MTHFSD: variants seen among roughly 807,000 people sequenced by gnomAD.
MTHFSD encodes the protein methenyltetrahydrofolate synthase domain-containing protein.
A neutral mutation model predicts 31.1 loss-of-function variants in MTHFSD; 37 were observed. The ratio of observed to expected loss-of-function variants is 1.19; its 90% CI spans 0.91 to 1.56. The LOEUF (loss-of-function observed/expected upper bound fraction) is 1.56, where lower values mean the gene tolerates loss of function less well. MTHFSD is among the 40% of genes most tolerant of loss of function. The pLI is 0.00. For missense variants in MTHFSD, 664 were observed against 510.1 expected, an observed-to-expected ratio of 1.30 and a Z score of -2.91; for synonymous variants, 221 against 206.9, an observed-to-expected ratio of 1.07 and a Z score of -0.59.
rs1290208304 is a variant in MTHFSD at position 86,530,804 on chromosome 16, CAGAGGGCCG to C, written c.*1198_*1206del. The C allele has an allele frequency of 6.6e-6, 1 of 152,152 alleles. No homozygotes were observed. The highest frequency in any genetic ancestry group is 1.5e-5 in the Non-Finnish European group (1 of 68,060). The allele number at this position is 152,152 out of a possible 1,614,324, so 9.4% of individuals were successfully genotyped here. ...GCGGGCGGGGGCAAGGCCAAGGACA[CAGAGGGCCG>C]AGGGCCCAGGGCCAGGTGTGGCGCT... is the stretch of plus-strand genomic sequence containing the variant. On this transcript the variant is annotated 3_prime_UTR_variant, in exon 8 of 8. Transcript: ENST00000360900.
In MTHFSD at chr16:86,532,221, G is replaced by C; in HGVS notation, c.942C>G (p.Pro314=). ...TCAGGTCACTCACACGGGCGTCCCC[G>C]GGGAGGTTCCCAACGTAAACATCGG... The part of the protein sequence containing the change: ...LAADVYVGNL[P]GDARVSDLKR... Residue 314 remains proline (P), a synonymous_variant, in exon 8 of 8, where the codon CCC becomes CCG. Transcript: ENST00000360900. The C allele has an allele frequency of 6.4e-7, 1 of 1,573,902 alleles. No homozygotes were observed. The highest frequency in any genetic ancestry group is 8.6e-7 in the Non-Finnish European group (1 of 1,160,706).
In MTHFSD at chr16:86,532,358, G is replaced by C. The variant is rs115896069; in HGVS notation, c.805C>G (p.Gln269Glu). ...HQHLPEPGCQQTVPLSVGRRP... is the reference protein window; with the variant it reads ...HQHLPEPGCQETVPLSVGRRP... ...CTGCCAACACTCAGGGGCACTGTCTGCTGGCAGCCTGGTTCCGGAAGGTGC... is the reference window on the plus strand; with the variant it reads ...CTGCCAACACTCAGGGGCACTGTCTCCTGGCAGCCTGGTTCCGGAAGGTGC... The change falls in exon 8 of 8, where the codon CAG (glutamine) becomes GAG (glutamate). Residue 269 changes from glutamine to glutamate, a missense_variant. By Grantham distance (29) the Gln-to-Glu change is conservative (BLOSUM62 2). Coordinates refer to ENST00000360900, the MANE Select transcript of MTHFSD (RefSeq NM_001159377.2). 1.9e-3 allele frequency: 2,992 copies of C among 1,587,260 alleles called. 47 individuals carry two copies. The African/African-American group carries it at 0.036, about 19-fold the overall frequency.
chr16:86,552,658 T>C (rs113066757), intron 2 of MTHFSD, among the ~76,000 whole-genome samples: 2 of 152,318 alleles, frequency 1.3e-5, no homozygotes, highest in South Asian at 2.1e-4. Flanking sequence ...ATTCTCTACA[T>C]CCTTCATCTT....
At chr16:86,552,590 T>C (rs1270455204) in intron 2 of MTHFSD, among the ~76,000 whole-genome samples, 3 of 152,246 alleles carry the variant, frequency 2.0e-5, no homozygotes, top group Admixed American at 2.0e-4. Context: ...AGCAGTAGCA[T>C]GACCTGGAAG....
rs1220611575 is a variant in MTHFSD, at chr16:86,546,652, G to A, written c.352-3C>T. Reference sequence around the variant, plus strand: ...GGGACACTGTAGTTCCTCACACCCTGCACACAGAGATACGGATTGGAAAAC... The same window carrying A: ...GGGACACTGTAGTTCCTCACACCCTACACACAGAGATACGGATTGGAAAAC... On this transcript the variant is annotated splice_region_variant and splice_polypyrimidine_tract_variant and intron_variant, in intron 4 of 7. Coordinates refer to ENST00000360900, the MANE Select transcript of MTHFSD (RefSeq NM_001159377.2). 6.2e-7 allele frequency: 1 copy of A among 1,611,304 alleles called. No individual in the cohort carries two copies. Among genetic ancestry groups the A allele is most frequent in the African/African-American group, 1.3e-5 (1 of 74,844 alleles).
At chr16:86,537,792 G>A (rs1335065450) in intron 7 of MTHFSD, among the ~76,000 whole-genome samples, 1 of 152,260 alleles carries the variant, frequency 6.6e-6, no homozygotes, top group Non-Finnish European at 1.5e-5. Flanking sequence ...GTGTGGGGAA[G>A]AGCGGGCCAT....
intron 4 of MTHFSD, chr16:86,548,096 G>C (rs760696691): frequency 7.7e-7 from 1 of 1,293,168 alleles, no homozygotes; most frequent in African/African-American, 1.5e-5. Context: ...TGTCTCCCCA[G>C]TCGCTCTGGT....
chr16:86,549,683 G>T (rs1189243552), intron 3 of MTHFSD, among the ~76,000 whole-genome samples: 1 of 152,230 alleles, frequency 6.6e-6, no homozygotes, highest in Non-Finnish European at 1.5e-5. Flanking sequence ...AATTACCGAG[G>T]TCTAGACCTC....
rs770045389 is a variant in MTHFSD, at chr16:86,541,764, A to G, written c.614T>C (p.Leu205Pro). 4 of 1,614,168 alleles carry G rather than the reference A, an allele frequency of 2.5e-6. No homozygotes were observed. The East Asian group carries it at 8.9e-5, about 36-fold the overall frequency. Residue 205 changes from leucine to proline, a missense_variant, in exon 7 of 8, where the codon CTC becomes CCC. Physicochemically the swap from Leu to Pro is moderately conservative, Grantham distance 98. Coordinates refer to ENST00000360900, the MANE Select transcript of MTHFSD (RefSeq NM_001159377.2). ...TGTGGCGATGACTCTGGTTGGAGTG[A>G]GGATGTAGTCCACAGTGATGTCGTG... Reference protein sequence around the residue: ...EEHDITVDYILTPTRVIATGC... With the variant: ...EEHDITVDYIPTPTRVIATGC...
Position 86,554,703 on chromosome 16 carries a change from T to C in MTHFSD, c.65A>G (p.Glu22Gly), listed in dbSNP as rs767135419. Residue 22 changes from glutamate (E) to glycine (G), a missense_variant, in exon 2 of 8, where the codon GAA becomes GGA. Coordinates refer to ENST00000360900, the MANE Select transcript of MTHFSD (RefSeq NM_001159377.2). ...GGGAAAGTCAGCTAAATTTTGTGAT[T>C]CCATGTAGCCCCAAATTTGTTCACG... ...DIREQIWGYMESQNLADFPRP... is the reference protein window; with the variant it reads ...DIREQIWGYMGSQNLADFPRP... 1.9e-6 allele frequency: 3 copies of C among 1,614,114 alleles called. No homozygotes were observed.
At position 86,532,324 on chromosome 16, in the gene MTHFSD, G is replaced by A. The variant is rs371426777; in HGVS notation, c.839C>T (p.Pro280Leu). 3.3e-5 allele frequency: 53 copies of A among 1,593,490 alleles called. No individual in the cohort carries two copies. Among genetic ancestry groups the A allele is most frequent in the African/African-American group, 2.2e-4 (16 of 74,302 alleles). Residue 280 changes from proline (P) to leucine (L), a missense_variant, in exon 8 of 8, where the codon CCG (proline) becomes CTG (leucine). Coordinates refer to ENST00000360900, the MANE Select transcript of MTHFSD (RefSeq NM_001159377.2). The stretch of plus-strand genomic sequence containing the variant: ...ATTGGTTTCTGGTCCGGGTGTGTCC[G>A]GGGGCCTCCTGCCAACACTCAGGGG... ...TVPLSVGRRP[P>L]DTPGPETNSM...
intron 4 of MTHFSD, chr16:86,547,414 A>T: frequency 2.0e-6 from 2 of 985,774 alleles, no homozygotes; most frequent in Non-Finnish European, 1.2e-6. Context: ...ATCTGCCTGC[A>T]GTGCTATGAC....
intron 7 of MTHFSD, chr16:86,541,211 A>C: frequency 7.8e-7 from 1 of 1,289,868 alleles, no homozygotes; most frequent in Non-Finnish European, 1.0e-6. Context: ...GGAGATAAAA[A>C]CCACAAATGC....
In MTHFSD at chr16:86,531,888, C is replaced by A; in HGVS notation, c.*123G>T. On this transcript the variant is annotated 3_prime_UTR_variant, in exon 8 of 8. Transcript: ENST00000360900. This position sits in a 1 kb window ranked among gnomAD's most constrained non-coding sequence, Gnocchi z 5.5. ...GTGACTTCTGAGAAGAATTGAGACC[C>A]GAGCAGCTCAGGCGGTGGCTCCGAC... The A allele has an allele frequency of 1.7e-6, 1 of 596,898 alleles. No homozygotes were observed. Among genetic ancestry groups the A allele is most frequent in the South Asian group, 3.4e-5 (1 of 29,436 alleles). 37.0% of individuals were successfully genotyped at this position (596,898 alleles called of 1,614,324 possible).
At chr16:86,547,095 G>C in intron 4 of MTHFSD, 2 of 893,142 alleles carry the variant, frequency 2.2e-6, no homozygotes, top group Admixed American at 5.4e-5. Flanking sequence ...ACCAGTGTTG[G>C]AATTAAATAA....
At position 86,542,049 on chromosome 16, in the gene MTHFSD, T is replaced by G; in HGVS notation, c.555+52A>C. ...ATGAGTCTCCTTCCCCACCCCCTGC[T>G]CCCTCAGAAGAGAATGGCAGTGGCT... On this transcript the variant is annotated intron_variant, in intron 6 of 7. Transcript: ENST00000360900. The surrounding 1 kb of genome is among the most constrained non-coding windows in gnomAD (Gnocchi z 4.6). 3.9e-6 allele frequency: 6 copies of G among 1,533,730 alleles called. No homozygotes were observed. The highest frequency in any genetic ancestry group is 3.6e-6 in the Non-Finnish European group (4 of 1,112,610).
chr16:86,536,897 C>A (rs763901413), intron 7 of MTHFSD, among the ~76,000 whole-genome samples: 2 of 152,228 alleles, frequency 1.3e-5, no homozygotes, highest in African/African-American at 4.8e-5. Context: ...GTTCCCCTCA[C>A]GCAGACATGC....
rs1419628082 is a variant in MTHFSD at position 86,532,396 on chromosome 16, T to TGGA, written c.764_766dup (p.Leu255dup). On this transcript the variant is annotated inframe_insertion, in exon 8 of 8. Transcript: ENST00000360900. ...TTCCGGAAGGTGCTGGTGCTCACCCTGGAGGGTGACATCCTTCCCAGCCTG... is the reference window on the plus strand; with the variant it reads ...TTCCGGAAGGTGCTGGTGCTCACCCTGGAGGAGGGTGACATCCTTCCCAGCCTG... 1.1e-5 allele frequency: 17 copies of TGGA among 1,542,326 alleles called. No individual in the cohort carries two copies. The highest frequency in any genetic ancestry group is 2.8e-5 in the African/African-American group (2 of 72,468).
chr16:86,555,104 C>A (rs1405729172), intron 1 of MTHFSD, 65 bp downstream of exon 1: 8 of 1,524,796 alleles, frequency 5.2e-6, no homozygotes, highest in Non-Finnish European at 7.0e-6. Context: ...CCCGCCTCGA[C>A]CCTCACCGGT....
Sources: allele counts gnomAD v4.1 joint callset (sites outside exome capture counted in the v4.1 genomes callset), GRCh38; gene constraint gnomAD v4.1.1; non-coding constraint Gnocchi (gnomAD v3.1); transcripts MANE v1.5; gene names NCBI Gene and HGNC (gene_info 2026-07-23, HGNC 2026-07-21).